CTNNA3: variants seen among roughly 807,000 people sequenced by gnomAD.
The protein encoded by CTNNA3 is catenin alpha-3.
A neutral mutation model predicts 95.7 loss-of-function variants in CTNNA3; 76 were observed. That is an observed-to-expected ratio of 0.79 (90% CI 0.66 to 0.96). The LOEUF (loss-of-function observed/expected upper bound fraction) is 0.96. Ranked by LOEUF, CTNNA3 falls within the 40% of genes least tolerant of loss-of-function variation. The probability of loss-of-function intolerance (pLI) is 0.00; values close to 1 mark genes in which losing one functional copy is unlikely to be tolerated. For missense variants in CTNNA3, 1,191 were observed against 1,089.8 expected (o/e 1.09, Z -1.31); for synonymous variants, 431 against 374.4 (o/e 1.15, Z -1.74).
intron 1 of CTNNA3, among the ~76,000 whole-genome samples, chr10:67,650,828 T>C (rs1169593623): frequency 1.3e-5 from 2 of 152,152 alleles, no homozygotes; most frequent in East Asian, 1.9e-4. Flanking sequence ...ATCAGAGAGA[T>C]GCACAGAGAG....
intron 10 of CTNNA3, among the ~76,000 whole-genome samples, chr10:66,583,908 TA>T (rs1428946996): frequency 6.6e-6 from 1 of 151,892 alleles, no homozygotes. Flanking sequence ...AAAAATTTTT[TA>T]AATTTCCACC....
At chr10:66,415,953 A>G (rs1352845035) in intron 11 of CTNNA3, among the ~76,000 whole-genome samples, 1 of 152,218 alleles carries the variant, frequency 6.6e-6, no homozygotes, top group Non-Finnish European at 1.5e-5. Flanking sequence ...AGAATATATG[A>G]CAGCTCCAAA....
intron 7 of CTNNA3, among the ~76,000 whole-genome samples, chr10:67,103,778 T>TATTCAGAATAAATTCTTATTCTGA (rs1858474727): frequency 6.6e-6 from 1 of 151,688 alleles, no homozygotes; most frequent in Non-Finnish European, 1.5e-5. Context: ...ATTTATTCTG[T>TATTCAGAATAAATTCTTATTCTGA]ATTCAGAATA....
chr10:66,867,962 T>C (rs1162778894), intron 7 of CTNNA3, among the ~76,000 whole-genome samples: 1 of 148,966 alleles, frequency 6.7e-6, no homozygotes, highest in African/African-American at 2.5e-5. Flanking sequence ...GCTTTAAATT[T>C]GAATGTTTTT....
intron 10 of CTNNA3, among the ~76,000 whole-genome samples, chr10:66,596,520 TGA>T (rs1843720069): frequency 6.6e-6 from 1 of 152,100 alleles, no homozygotes; most frequent in African/African-American, 2.4e-5. Flanking sequence ...GGAAAATAAG[TGA>T]GAGTCTCTTA....
Position 67,535,849 on chromosome 10 carries a change from A to G in CTNNA3, c.459+3654T>C, listed in dbSNP as rs117346475. Among the ~76,000 whole-genome samples the G allele has an allele frequency of 9.1e-3, 1,379 of 152,252 alleles. 16 individuals are homozygous for G. The highest frequency in any genetic ancestry group is 0.011 in the Non-Finnish European group (766 of 67,972). On this transcript the variant is annotated intron_variant, in intron 4 of 17. Coordinates refer to ENST00000433211, the MANE Select transcript of CTNNA3 (RefSeq NM_013266.4). ...TGATGATAAAATAATTCATCTTAAA[A>G]ACATCACAGAGCTAATAAGGCAGTG...
At chr10:67,553,126 G>A (rs955879603) in intron 3 of CTNNA3, among the ~76,000 whole-genome samples, 13 of 152,076 alleles carry the variant, frequency 8.5e-5, no homozygotes, top group Non-Finnish European at 1.8e-4. Context: ...ATTTAGTATG[G>A]AATGTGTGTG....
chr10:67,635,005 A>G (rs1839259142), intron 2 of CTNNA3, among the ~76,000 whole-genome samples: 1 of 152,128 alleles, frequency 6.6e-6, no homozygotes, highest in South Asian at 2.1e-4. Context: ...AACAGAATAT[A>G]TATTCTTCTC....
chr10:67,755,551 C>T (rs530171721), intron 1 of CTNNA3, among the ~76,000 whole-genome samples: 19 of 152,022 alleles, frequency 1.2e-4, no homozygotes, highest in South Asian at 8.3e-4. Flanking sequence ...CCTGTAATCC[C>T]AGCACTTTGG....
intron 10 of CTNNA3, among the ~76,000 whole-genome samples, chr10:66,585,349 T>C (rs977012851): frequency 6.6e-6 from 1 of 152,060 alleles, no homozygotes; most frequent in African/African-American, 2.4e-5. Flanking sequence ...CCATTTTATA[T>C]AATCCACATA....
chr10:66,602,206 T>C (rs1241760206), intron 10 of CTNNA3, among the ~76,000 whole-genome samples: 2 of 151,944 alleles, frequency 1.3e-5, no homozygotes, highest in Admixed American at 6.6e-5. Flanking sequence ...GACAAGGTTC[T>C]GGGAAGAAAT....
intron 6 of CTNNA3, among the ~76,000 whole-genome samples, chr10:67,206,747 A>T (rs575233048): frequency 2.7e-5 from 4 of 146,154 alleles, no homozygotes; most frequent in African/African-American, 1.0e-4. Flanking sequence ...AGATTCTAGA[A>T]TCTAGAATCA....
intron 5 of CTNNA3, among the ~76,000 whole-genome samples, chr10:67,234,926 GA>G (rs1294233651): frequency 6.8e-6 from 1 of 146,272 alleles, no homozygotes; most frequent in Non-Finnish European, 1.5e-5. Flanking sequence ...GCTTCAAAGA[GA>G]ATAAAATACC....
At chr10:67,442,136 T>C (rs1248816731) in intron 5 of CTNNA3, among the ~76,000 whole-genome samples, 1 of 152,150 alleles carries the variant, frequency 6.6e-6, no homozygotes, top group Non-Finnish European at 1.5e-5. Context: ...ATGCAATCAG[T>C]GTTAAGTTGT....
chr10:66,789,174 ATTTG>A (rs1201467565), intron 7 of CTNNA3, among the ~76,000 whole-genome samples: 4 of 150,814 alleles, frequency 2.7e-5, no homozygotes, highest in African/African-American at 9.8e-5. Flanking sequence ...TTTTTTGTTT[ATTTG>A]TTTGTTTTGT....
At chr10:67,364,553 A>C (rs1465028459) in intron 5 of CTNNA3, among the ~76,000 whole-genome samples, 1 of 152,160 alleles carries the variant, frequency 6.6e-6, no homozygotes, top group East Asian at 1.9e-4. Flanking sequence ...CCAATGTACA[A>C]AAATCACAAG....
chr10:66,697,258 A>G (rs911103890), intron 9 of CTNNA3, among the ~76,000 whole-genome samples: 3 of 149,396 alleles, frequency 2.0e-5, no homozygotes, highest in Non-Finnish European at 3.0e-5. Context: ...ATATATCTAT[A>G]TATATATAGA....
At chr10:66,040,890 C>A (rs887177372) in intron 15 of CTNNA3, among the ~76,000 whole-genome samples, 3 of 152,090 alleles carry the variant, frequency 2.0e-5, no homozygotes, top group African/African-American at 7.2e-5. Context: ...TTAAAAAAAT[C>A]TACCAATGGA....
intron 5 of CTNNA3, among the ~76,000 whole-genome samples, chr10:67,477,532 C>A (rs1352177293): frequency 5.3e-5 from 8 of 152,122 alleles, no homozygotes; most frequent in Admixed American, 1.3e-4. Context: ...TAGCCCAATA[C>A]AAAACCTGCC....
Sources: allele counts gnomAD v4.1 joint callset (sites outside exome capture counted in the v4.1 genomes callset), GRCh38; gene constraint gnomAD v4.1.1; transcripts MANE v1.5; gene names NCBI Gene and HGNC (gene_info 2026-07-23, HGNC 2026-07-21).